EPHA8: variants seen among roughly 807,000 people sequenced by gnomAD.
The protein encoded by EPHA8 is EPH receptor A8.
A neutral mutation model predicts 103.6 loss-of-function variants in EPHA8; 58 were observed. The ratio of observed to expected loss-of-function variants is 0.56; its 90% CI spans 0.45 to 0.70. The LOEUF (loss-of-function observed/expected upper bound fraction) is 0.70. Among genes scored for constraint, EPHA8 ranks in the 30% least tolerant of loss-of-function variants. The pLI, the probability that EPHA8 is intolerant of heterozygous loss-of-function variation, is 0.00. For missense variants in EPHA8, 1,304 were observed against 1,395.2 expected, an observed-to-expected ratio of 0.93 and a Z score of 1.04; for synonymous variants, 559 against 572.5, an observed-to-expected ratio of 0.98 and a Z score of 0.34.
At chr1:22,564,205 G>A (rs912197946) in intron 1 of EPHA8, among the ~76,000 whole-genome samples, 1 of 151,600 alleles carries the variant, frequency 6.6e-6, no homozygotes, top group African/African-American at 2.4e-5. Context: ...AAGGGGGTGG[G>A]GACAGCATTG....
At chr1:22,578,219 A>AT (rs1640828998) in intron 3 of EPHA8, among the ~76,000 whole-genome samples, 1 of 50,786 alleles carries the variant, frequency 2.0e-5, no homozygotes, top group African/African-American at 5.7e-5. Flanking sequence ...TGTGCGTGTG[A>AT]GTGTGCATGT....
intron 1 of EPHA8, among the ~76,000 whole-genome samples, chr1:22,568,279 C>G (rs1309428084): frequency 3.3e-5 from 5 of 152,200 alleles, no homozygotes; most frequent in African/African-American, 1.2e-4. Flanking sequence ...TCTGACCCCC[C>G]AGATGGGCTC....
Position 22,576,484 on chromosome 1 carries a change from C to T in EPHA8, c.427C>T (p.Leu143Phe), listed in dbSNP as rs1333715861. The T allele has an allele frequency of 3.1e-6, 5 of 1,614,142 alleles. No individual in the cohort carries two copies. The East Asian group carries it at 6.7e-5, about 22-fold the overall frequency. ...GGCCAGCACACAAGAAAGCCAGTTC[C>T]TCAAAATCGACACCATTGCGGCCGA... ...LGASTQESQF[L>F]KIDTIAADES... is the part of the protein sequence containing the mutation. Residue 143 changes from leucine (L) to phenylalanine (F), a missense_variant, in exon 3 of 17, where the codon CTC becomes TTC. Physicochemically the swap from Leu to Phe is conservative, Grantham distance 22 (BLOSUM62 0). Transcript: ENST00000166244. The surrounding 1 kb of genome is among the most constrained non-coding windows in gnomAD (Gnocchi z 4.8).
At position 22,596,151 on chromosome 1, in the gene EPHA8, G is replaced by A. The variant is rs1228444848; in HGVS notation, c.1743G>A (p.Lys581=). The A allele has an allele frequency of 1.9e-6, 3 of 1,613,928 alleles. No individual in the cohort carries two copies. Among genetic ancestry groups the A allele is most frequent in the African/African-American group, 2.7e-5 (2 of 74,946 alleles). Residue 581 remains lysine, a synonymous_variant, in exon 9 of 17, where the codon AAG becomes AAA. Transcript: ENST00000166244. ...CCTTCCAGGACTCGGACGAGGAGAA[G>A]ATGCACTATCAGAATGGACAGGGTG... ...SKAFQDSDEE[K]MHYQNGQAPP... is the part of the protein sequence containing the mutation.
intron 3 of EPHA8, among the ~76,000 whole-genome samples, chr1:22,578,785 A>G (rs1467677524): frequency 4.2e-5 from 6 of 142,108 alleles, no homozygotes; most frequent in African/African-American, 1.1e-4. Context: ...ACGTGTGGGC[A>G]TATGTATGTG....
intron 3 of EPHA8, among the ~76,000 whole-genome samples, chr1:22,579,080 TGTAC>T (rs1640942213): frequency 7.7e-6 from 1 of 129,148 alleles, no homozygotes; most frequent in African/African-American, 2.9e-5. Context: ...TGTGTGCATG[TGTAC>T]GTGCATGTGT....
intron 4 of EPHA8, 151 bp downstream of exon 4, chr1:22,586,786 G>GGT (rs1340559885): frequency 1.0e-5 from 10 of 993,878 alleles, no homozygotes; most frequent in Non-Finnish European, 1.3e-5. Flanking sequence ...GAGGTGGGGG[G>GGT]GGTGACTCTG....
chr1:22,579,754 A>C (rs649754), intron 3 of EPHA8, among the ~76,000 whole-genome samples: 49,446 of 152,068 alleles, frequency 0.33, 10,264 homozygotes, highest in African/African-American at 0.6. Flanking sequence ...GAGGATGTTT[A>C]TATGCAGGGA....
chr1:22,567,815 C>T lies in EPHA8; in HGVS notation c.95-1474C>T, dbSNP rs1280934869. Among the ~76,000 whole-genome samples, 1 of 152,114 alleles carries T rather than the reference C, an allele frequency of 6.6e-6. No homozygotes were observed. Among genetic ancestry groups the T allele is most frequent in the South Asian group, 2.1e-4 (1 of 4,826 alleles). On this transcript the variant is annotated intron_variant, in intron 1 of 16. Transcript: ENST00000166244. This position sits in a 1 kb window ranked among gnomAD's most constrained non-coding sequence, Gnocchi z 4.2. The stretch of plus-strand genomic sequence containing the variant: ...TTAACCCCCGTCACCTGCCCAAGCC[C>T]GCTGATTGGGGTGGTTAAAAGCCCA...
intron 3 of EPHA8, among the ~76,000 whole-genome samples, chr1:22,584,536 A>G (rs1313517242): frequency 6.6e-6 from 1 of 152,216 alleles, no homozygotes; most frequent in East Asian, 1.9e-4. Context: ...TAGCTTTTGT[A>G]ATAAAGAGAT....
chr1:22,571,733 G>C (rs1640548784), intron 2 of EPHA8, among the ~76,000 whole-genome samples: 1 of 152,146 alleles, frequency 6.6e-6, no homozygotes, highest in Non-Finnish European at 1.5e-5. Context: ...CTGCAGAGGG[G>C]CCTGGGAATC....
chr1:22,566,506 G>A (rs768388674), intron 1 of EPHA8, among the ~76,000 whole-genome samples: 5 of 152,170 alleles, frequency 3.3e-5, no homozygotes, highest in Admixed American at 6.5e-5. Flanking sequence ...AGAACAGCCC[G>A]GGCAGATAGG....
Position 22,576,606 on chromosome 1 carries a change from G to A in EPHA8, c.549G>A (p.Leu183=). Residue 183 remains leucine, a synonymous_variant, in exon 3 of 17, where the codon CTG becomes CTA. Transcript: ENST00000166244. This position sits in a 1 kb window ranked among gnomAD's most constrained non-coding sequence, Gnocchi z 4.8. ...CCCTCAGCAAGCGCGGCTTCTACCT[G>A]GCCTTCCAGGACATAGGTGCCTGCC... is the stretch of plus-strand genomic sequence containing the variant. ...VGPLSKRGFY[L]AFQDIGACLA... The A allele has an allele frequency of 1.2e-6, 2 of 1,613,990 alleles. No homozygotes were observed. Among genetic ancestry groups the A allele is most frequent in the South Asian group, 2.2e-5 (2 of 91,084 alleles).
At position 22,601,597 on chromosome 1, in the gene EPHA8, C is replaced by T. The variant is rs755327165; in HGVS notation, c.2904-30C>T. ...TGCGCGGCTCCCAGCCTCCCAGGCC[C>T]AGCTGGCCAGCAGCACCCTTCCTTC... On this transcript the variant is annotated intron_variant, in intron 16 of 16. Coordinates refer to ENST00000166244, the MANE Select transcript of EPHA8 (RefSeq NM_020526.5). The T allele has an allele frequency of 3.2e-6, 5 of 1,581,502 alleles. No homozygotes were observed. The Admixed American group carries it at 9.0e-5, about 28-fold the overall frequency.
chr1:22,570,297 T>C (rs1000359882), intron 2 of EPHA8, among the ~76,000 whole-genome samples: 3 of 148,682 alleles, frequency 2.0e-5, no homozygotes, highest in Admixed American at 1.3e-4. Flanking sequence ...TACACACACA[T>C]GCACACGTGT....
chr1:22,573,116 C>T (rs780188593), intron 2 of EPHA8, among the ~76,000 whole-genome samples: 18 of 152,128 alleles, frequency 1.2e-4, no homozygotes, highest in Non-Finnish European at 2.4e-4. Context: ...GACAGCAAAG[C>T]GGGGTGTGGA....
chr1:22,601,082 T>G lies in EPHA8; in HGVS notation c.2723T>G (p.Val908Gly). Residue 908 changes from valine (V) to glycine (G), a missense_variant, in exon 15 of 17, where the codon GTC becomes GGC. Val to Gly is a moderately radical substitution (Grantham distance 109). Transcript: ENST00000166244. ...GAGAGTCTCAGGGCCACCGCCACAGTCAGCAGGTGCCTTGTGCCCACCCCA... is the reference window on the plus strand; with the variant it reads ...GAGAGTCTCAGGGCCACCGCCACAGGCAGCAGGTGCCTTGTGCCCACCCCA... ...SPESLRATATVSRCPPPAFVR... is the reference protein window; with the variant it reads ...SPESLRATATGSRCPPPAFVR... The G allele has an allele frequency of 6.2e-7, 1 of 1,604,808 alleles. No individual in the cohort carries two copies. The highest frequency in any genetic ancestry group is 2.2e-5 in the East Asian group (1 of 44,826).
intron 4 of EPHA8, among the ~76,000 whole-genome samples, chr1:22,587,654 G>C (rs1450257678): frequency 6.6e-6 from 1 of 152,172 alleles, no homozygotes; most frequent in Non-Finnish European, 1.5e-5. Flanking sequence ...GCCAACCCTG[G>C]GCTCTTGTGG....
intron 13 of EPHA8, among the ~76,000 whole-genome samples, chr1:22,600,250 A>G (rs920662325): frequency 1.4e-5 from 2 of 144,898 alleles, no homozygotes; most frequent in African/African-American, 2.5e-5. Flanking sequence ...GGAAGGACAG[A>G]AGGAGGAAGG....
Sources: gnomAD v4.1 joint callset for allele counts (sites outside exome capture counted in the v4.1 genomes callset) on GRCh38, gnomAD v4.1.1 for gene constraint, Gnocchi (gnomAD v3.1) non-coding constraint, MANE v1.5 for transcripts, NCBI Gene and HGNC (gene_info 2026-07-23, HGNC 2026-07-21) for gene names.